FAM171B: variants seen among roughly 807,000 people sequenced by gnomAD.
The protein encoded by FAM171B is family with sequence similarity 171 member B, also known as protein FAM171B.
FAM171B carries 19 observed loss-of-function variants against 75.6 expected under a neutral mutation model. That is an observed-to-expected ratio of 0.25 (90% CI 0.18 to 0.37). The LOEUF is 0.37. Ranked by LOEUF, FAM171B falls within the 10% of genes least tolerant of loss-of-function variation. The pLI is 1.00. For synonymous variants in FAM171B, 367 were observed against 361.7 expected (o/e 1.01, Z -0.17); for missense variants, 848 against 982.4 (o/e 0.86, Z 1.83).
chr2:186,743,911 C>T (rs529463975), intron 3 of FAM171B, among the ~76,000 whole-genome samples: 1 of 152,282 alleles, frequency 6.6e-6, no homozygotes, highest in South Asian at 2.1e-4. Flanking sequence ...TTGCTCAGGC[C>T]TTTGGGGCTA....
intron 1 of FAM171B, among the ~76,000 whole-genome samples, chr2:186,702,593 C>T (rs1488820586): frequency 6.6e-6 from 1 of 152,054 alleles, no homozygotes; most frequent in East Asian, 1.9e-4. Flanking sequence ...TTTTTACATA[C>T]TTGTTAATAA....
rs766107696 is a variant in FAM171B, at chr2:186,762,853, C to T, written c.*30C>T. ...AATGGGGATTGTGTGTCTGCTGTCT[C>T]GTGCTGTTTATTCTTGCTTCTTGTT... On this transcript the variant is annotated 3_prime_UTR_variant, in exon 8 of 8. Transcript: ENST00000304698. This position sits in a 1 kb window ranked among gnomAD's most constrained non-coding sequence, Gnocchi z 4.0. 63 of 1,576,354 alleles carry T rather than the reference C, an allele frequency of 4.0e-5. No individual in the cohort carries two copies. Among genetic ancestry groups the T allele is most frequent in the South Asian group, 1.4e-4 (12 of 83,938 alleles).
At position 186,747,310 on chromosome 2, in the gene FAM171B, C is replaced by T. The variant is rs934583218; in HGVS notation, c.724+60C>T. On this transcript the variant is annotated intron_variant, in intron 4 of 7. Transcript: ENST00000304698. The stretch of plus-strand genomic sequence containing the variant: ...AAACATTAGTACACAAATCTTTCAT[C>T]AAATATTTAGCTATCTATAATAGCT... 1.1e-5 allele frequency: 13 copies of T among 1,196,056 alleles called. No individual in the cohort carries two copies. In the African/African-American group the frequency reaches 2.0e-4, roughly 19 times the overall value. The allele number at this position is 1,196,056 out of a possible 1,614,324, so 74.1% of individuals were successfully genotyped here. A position where few individuals can be genotyped will look rare whatever the true frequency, so the allele number is the denominator to read the frequency against.
chr2:186,753,283 G>A (rs1690483331), intron 5 of FAM171B, among the ~76,000 whole-genome samples: 1 of 151,876 alleles, frequency 6.6e-6, no homozygotes, highest in South Asian at 2.1e-4. Flanking sequence ...TGAGTATGTG[G>A]GATTACAGGC....
intron 1 of FAM171B, among the ~76,000 whole-genome samples, chr2:186,700,951 C>T (rs1035388720): frequency 7.9e-5 from 12 of 151,640 alleles, no homozygotes; most frequent in Non-Finnish European, 7.4e-5. Flanking sequence ...GACTCTTGCT[C>T]TGTTGCCCAG....
chr2:186,730,742 A>G (rs531905401), intron 1 of FAM171B, among the ~76,000 whole-genome samples: 1 of 152,348 alleles, frequency 6.6e-6, no homozygotes, highest in African/African-American at 2.4e-5. Flanking sequence ...ACATTTTATA[A>G]ATCAAATCCA....
At chr2:186,707,843 A>T (rs114113590) in intron 1 of FAM171B, among the ~76,000 whole-genome samples, 82,871 of 141,230 alleles carry the variant, frequency 0.59, 23,339 homozygotes, top group East Asian at 0.79. Context: ...TTTTTTTTTA[A>T]AAAAAAAAAA....
At chr2:186,704,929 C>T (rs1689713562) in intron 1 of FAM171B, among the ~76,000 whole-genome samples, 2 of 152,156 alleles carry the variant, frequency 1.3e-5, no homozygotes, top group Non-Finnish European at 2.9e-5. Context: ...TTTTTGCCCC[C>T]ATGTATATGT....
At chr2:186,750,311 G>C (rs1269936319) in intron 4 of FAM171B, among the ~76,000 whole-genome samples, 1 of 152,148 alleles carries the variant, frequency 6.6e-6, no homozygotes, top group African/African-American at 2.4e-5. Context: ...TCCGCCCAGA[G>C]TAACAGACAT....
intron 1 of FAM171B, among the ~76,000 whole-genome samples, chr2:186,712,633 C>T (rs935304472): frequency 6.6e-6 from 1 of 152,166 alleles, no homozygotes; most frequent in Non-Finnish European, 1.5e-5. Flanking sequence ...AAACCTGGGG[C>T]ACTTTTCAGA....
At chr2:186,709,384 T>C (rs536726798) in intron 1 of FAM171B, among the ~76,000 whole-genome samples, 42 of 152,334 alleles carry the variant, frequency 2.8e-4, no homozygotes, top group Middle Eastern at 6.8e-3. Context: ...GCTTCTTCCA[T>C]AGTGCCCACA....
At chr2:186,722,731 A>G (rs1175079183) in intron 1 of FAM171B, among the ~76,000 whole-genome samples, 2 of 152,166 alleles carry the variant, frequency 1.3e-5, no homozygotes, top group African/African-American at 4.8e-5. Flanking sequence ...CAGGAGGTGG[A>G]GGTCACTGGC....
chr2:186,737,834 A>G (rs189794664), intron 1 of FAM171B, among the ~76,000 whole-genome samples: 2 of 152,392 alleles, frequency 1.3e-5, no homozygotes, highest in East Asian at 3.9e-4. Flanking sequence ...AAATCTATGT[A>G]ACTTGAAAGT....
At chr2:186,706,889 A>G (rs1574096915) in intron 1 of FAM171B, among the ~76,000 whole-genome samples, 1 of 152,036 alleles carries the variant, frequency 6.6e-6, no homozygotes, top group East Asian at 1.9e-4. Context: ...TGAAAATTAT[A>G]TATTAATATT....
chr2:186,761,845 A>G lies in FAM171B; in HGVS notation c.1503A>G (p.Leu501=). Residue 501 remains leucine, a synonymous_variant, in exon 8 of 8, where the codon CTA becomes CTG. Transcript: ENST00000304698. ...AACCTAAACATATTAACAACAATCT[A>G]TCTTCATCTCTAGGTGATGCTCAAG... ...SKQPKHINNN[L]SSSLGDAQDE... 3 of 1,613,222 alleles carry G rather than the reference A, an allele frequency of 1.9e-6. No individual in the cohort carries two copies. Among genetic ancestry groups the G allele is most frequent in the Non-Finnish European group, 2.5e-6 (3 of 1,179,752 alleles).
chr2:186,723,049 C>T (rs1306364975), intron 1 of FAM171B, among the ~76,000 whole-genome samples: 1 of 152,106 alleles, frequency 6.6e-6, no homozygotes, highest in African/African-American at 2.4e-5. Context: ...TAGTCGTCTC[C>T]AGACTTCATT....
rs1690661524 is a variant in FAM171B at position 186,763,913 on chromosome 2, GA to G, written c.*1094del. 1 of 152,028 alleles carries G rather than the reference GA, an allele frequency of 6.6e-6. No homozygotes were observed. Among genetic ancestry groups the G allele is most frequent in the Admixed American group, 6.6e-5 (1 of 15,242 alleles). 9.4% of individuals were successfully genotyped at this position (152,028 alleles called of 1,614,324 possible). A position where few individuals can be genotyped will look rare whatever the true frequency, so the allele number is the denominator to read the frequency against. On this transcript the variant is annotated 3_prime_UTR_variant, in exon 8 of 8. Transcript: ENST00000304698. ...TTGATTTTCTTAAAAGATGTGTAAG[GA>G]AAACAGTTTCAATTTCAGGGGAAAA...
chr2:186,735,485 A>G (rs1170142180), intron 1 of FAM171B, among the ~76,000 whole-genome samples: 1 of 152,058 alleles, frequency 6.6e-6, no homozygotes, highest in East Asian at 1.9e-4. Flanking sequence ...ATGGCTGGCA[A>G]TCTACACCTT....
chr2:186,724,447 CTT>C, intron 1 of FAM171B, among the ~76,000 whole-genome samples: 1 of 152,308 alleles, frequency 6.6e-6, no homozygotes, highest in South Asian at 2.1e-4. Flanking sequence ...TGTAGAGACA[CTT>C]TGCCTGTGTC....
Sources: gnomAD v4.1 joint callset for allele counts (sites outside exome capture counted in the v4.1 genomes callset) on GRCh38, gnomAD v4.1.1 for gene constraint, Gnocchi (gnomAD v3.1) non-coding constraint, MANE v1.5 for transcripts, NCBI Gene and HGNC (gene_info 2026-07-23, HGNC 2026-07-21) for gene names.